The following LPP variants were observed in gnomAD, a reference collection of about 807,000 sequenced individuals.
LPP encodes the protein LIM domain containing preferred translocation partner in lipoma, also known as lipoma-preferred partner.
Under a neutral mutation model 60.4 loss-of-function variants are expected in LPP, and 38 were observed. The ratio of observed to expected loss-of-function variants is 0.63; its 90% CI spans 0.49 to 0.83. The LOEUF is 0.83. Among genes scored for constraint, LPP ranks in the 40% least tolerant of loss-of-function variants. LPP has a pLI of 0.00. For missense variants in LPP, 902 were observed against 783.6 expected (o/e 1.15, Z -1.80); for synonymous variants, 328 against 290.8 (o/e 1.13, Z -1.30).
rs564825918 is a variant in LPP at position 188,384,529 on chromosome 3, C to A, written c.-9-21583C>A. Among the ~76,000 whole-genome samples the A allele has an allele frequency of 1.1e-4, 16 of 152,158 alleles. 3 individuals are homozygous for A. In the South Asian group the frequency reaches 1.2e-3, roughly 12 times the overall value. The stretch of plus-strand genomic sequence containing the variant: ...TCAGAAGGCTGGGCGCAGTGGCTCA[C>A]GCCTGTAATCCCAGCACTTTGGGAG... On this transcript the variant is annotated intron_variant, in intron 3 of 11. Transcript: ENST00000617246.
intron 4 of LPP, among the ~76,000 whole-genome samples, chr3:188,471,724 T>C (rs1801895011): frequency 6.6e-6 from 1 of 152,188 alleles, no homozygotes. Flanking sequence ...CCACAATTAT[T>C]CTGGGTCTTA....
chr3:188,272,113 G>T (rs1367453023), intron 2 of LPP, among the ~76,000 whole-genome samples: 2 of 152,136 alleles, frequency 1.3e-5, no homozygotes, highest in Non-Finnish European at 2.9e-5. Context: ...AAAGACATCT[G>T]TGTTCTGATG....
chr3:188,758,852 G>C (rs1345818279), intron 8 of LPP: 1 of 152,196 alleles, frequency 6.6e-6, no homozygotes, highest in Non-Finnish European at 1.5e-5. Flanking sequence ...GTGTGACTCA[G>C]TTTCCTCATC....
intron 5 of LPP, among the ~76,000 whole-genome samples, chr3:188,514,104 C>T (rs1579528235): frequency 6.6e-6 from 1 of 152,130 alleles, no homozygotes; most frequent in Admixed American, 6.5e-5. Context: ...GAAACAGAGG[C>T]CCCCTGGAGT....
chr3:188,308,174 A>G (rs1291822521), intron 2 of LPP, among the ~76,000 whole-genome samples: 2 of 152,188 alleles, frequency 1.3e-5, no homozygotes, highest in Non-Finnish European at 2.9e-5. Flanking sequence ...ATTGTTGGTC[A>G]TTCTGCCCCC....
intron 8 of LPP, among the ~76,000 whole-genome samples, chr3:188,731,696 G>A (rs984249195): frequency 6.6e-6 from 1 of 151,790 alleles, no homozygotes; most frequent in African/African-American, 2.4e-5. Flanking sequence ...GTAACTTTTT[G>A]TATTTTCAGT....
intron 9 of LPP, among the ~76,000 whole-genome samples, chr3:188,793,236 G>A (rs1303622164): frequency 6.7e-6 from 1 of 149,336 alleles, no homozygotes; most frequent in African/African-American, 2.5e-5. Context: ...AGCCTGGAGT[G>A]CAGTGGCACG....
intron 6 of LPP, among the ~76,000 whole-genome samples, chr3:188,587,807 G>A (rs929432552): frequency 6.6e-6 from 1 of 152,104 alleles, no homozygotes; most frequent in Non-Finnish European, 1.5e-5. Context: ...CTTATTTGTC[G>A]ATGAGCTCAC....
intron 1 of LPP, among the ~76,000 whole-genome samples, chr3:188,186,026 G>A (rs1196921412): frequency 6.6e-6 from 1 of 152,048 alleles, no homozygotes; most frequent in Non-Finnish European, 1.5e-5. Flanking sequence ...TCAGGCCTGC[G>A]GCTTCCTATT....
intron 2 of LPP, among the ~76,000 whole-genome samples, chr3:188,333,973 C>T (rs1282484835): frequency 6.6e-6 from 1 of 152,168 alleles, no homozygotes; most frequent in Non-Finnish European, 1.5e-5. Flanking sequence ...CTAGAACTGA[C>T]TCCTCCTTTG....
intron 3 of LPP, among the ~76,000 whole-genome samples, chr3:188,394,905 C>T (rs1444230768): frequency 2.0e-5 from 3 of 152,114 alleles, no homozygotes; most frequent in Admixed American, 6.6e-5. Flanking sequence ...TGCTTCCAAT[C>T]GTTTTGCTAT....
chr3:188,235,847 T>G (rs552646399), intron 2 of LPP, among the ~76,000 whole-genome samples: 1 of 152,298 alleles, frequency 6.6e-6, no homozygotes, highest in African/African-American at 2.4e-5. Context: ...ATACATCCAA[T>G]AAAGCATTCA....
Position 188,562,031 on chromosome 3 carries a change from C to T in LPP, c.429+37244C>T, listed in dbSNP as rs114947476. On this transcript the variant is annotated intron_variant, in intron 6 of 11. Transcript: ENST00000617246. ...AATGTGGAGGCTTCTACAGTGTGTA[C>T]TATTTATAATCACGCACACACAGAC... Among the ~76,000 whole-genome samples the T allele has an allele frequency of 1.0e-4, 15 of 150,138 alleles. No homozygotes were observed. The South Asian group carries it at 1.7e-3, about 17-fold the overall frequency.
At chr3:188,599,997 A>C (rs1342998479) in intron 6 of LPP, among the ~76,000 whole-genome samples, 1 of 151,960 alleles carries the variant, frequency 6.6e-6, no homozygotes, top group African/African-American at 2.4e-5. Context: ...TGGAAAATAA[A>C]CAAAAACATA....
chr3:188,781,794 A>G (rs368471652), intron 9 of LPP, among the ~76,000 whole-genome samples: 13 of 151,208 alleles, frequency 8.6e-5, no homozygotes, highest in African/African-American at 2.9e-4. Flanking sequence ...CAGGAGGCTG[A>G]GGCAGGAGAA....
At position 188,708,526 on chromosome 3, in the gene LPP, G is replaced by C. The variant is rs546573845; in HGVS notation, c.1240+133G>C. On this transcript the variant is annotated intron_variant, in intron 8 of 11. Transcript: ENST00000617246. ...TGCATGAGAGTTGATATACATCCCC[G>C]CACAACTAAGTAATTGTAGGATTTG... The C allele has an allele frequency of 7.8e-6, 9 of 1,149,012 alleles. No individual in the cohort carries two copies. In the African/African-American group the frequency reaches 1.4e-4, roughly 17 times the overall value. The allele number at this position is 1,149,012 out of a possible 1,614,324, so 71.2% of individuals were successfully genotyped here.
chr3:188,188,132 T>C (rs554671996), intron 1 of LPP, among the ~76,000 whole-genome samples: 1 of 152,336 alleles, frequency 6.6e-6, no homozygotes, highest in Non-Finnish European at 1.5e-5. Context: ...ATATGAATTC[T>C]TCATAGGGGA....
rs534907065 is a variant in LPP at position 188,504,542 on chromosome 3, T to C, written c.306+19838T>C. Among the ~76,000 whole-genome samples, 18 of 152,300 alleles carry C rather than the reference T, an allele frequency of 1.2e-4. No homozygotes were observed. The East Asian group carries it at 3.1e-3, about 26-fold the overall frequency. ...AAAATTGCATATTTGAAACTAATAA[T>C]GTAGAGCCCTGGAAATCAGACCTTT... is the stretch of plus-strand genomic sequence containing the variant. On this transcript the variant is annotated intron_variant, in intron 5 of 11. Coordinates refer to ENST00000617246, the MANE Select transcript of LPP (RefSeq NM_001375462.1).
At chr3:188,303,508 A>C (rs1334765088) in intron 2 of LPP, among the ~76,000 whole-genome samples, 1 of 152,208 alleles carries the variant, frequency 6.6e-6, no homozygotes, top group Non-Finnish European at 1.5e-5. Flanking sequence ...GAGTACAAAG[A>C]ACTGTGGGAG....
Sources: gnomAD v4.1 joint callset for allele counts (sites outside exome capture counted in the v4.1 genomes callset) on GRCh38, gnomAD v4.1.1 for gene constraint, MANE v1.5 for transcripts, NCBI Gene and HGNC (gene_info 2026-07-23, HGNC 2026-07-21) for gene names.